JMJD1C: variants seen among roughly 807,000 people sequenced by gnomAD.
The protein encoded by JMJD1C is jumonji domain containing 1C.
JMJD1C carries 31 observed loss-of-function variants against 245.3 expected under a neutral mutation model. The ratio of observed to expected loss-of-function variants is 0.13; its 90% CI spans 0.09 to 0.17. JMJD1C has a LOEUF of 0.17. Ranked by LOEUF, JMJD1C falls within the 10% of genes least tolerant of loss-of-function variation. JMJD1C has a pLI of 1.00. For missense variants in JMJD1C, 2,691 were observed against 3,000.2 expected (o/e 0.90, Z 2.41); for synonymous variants, 1,057 against 1,017.4 (o/e 1.04, Z -0.74).
intron 2 of JMJD1C, among the ~76,000 whole-genome samples, chr10:63,333,435 A>T (rs186915109): frequency 6.6e-6 from 1 of 152,074 alleles, no homozygotes; most frequent in Non-Finnish European, 1.5e-5. Context: ...TGTGGTCCCA[A>T]TGACTTAGGG....
chr10:63,301,365 T>C (rs926245723), intron 2 of JMJD1C, among the ~76,000 whole-genome samples: 4 of 152,164 alleles, frequency 2.6e-5, no homozygotes, highest in South Asian at 2.1e-4. Flanking sequence ...TTCAAAAATA[T>C]GAAGAAAAAT....
chr10:63,513,075 A>G (rs1954917963), intron 1 of JMJD1C, among the ~76,000 whole-genome samples: 1 of 152,012 alleles, frequency 6.6e-6, no homozygotes, highest in Non-Finnish European at 1.5e-5. Context: ...CTGTTCTTGC[A>G]TATTGTCTAC....
chr10:63,291,253 A>T (rs1045277409), intron 2 of JMJD1C, among the ~76,000 whole-genome samples: 1 of 133,022 alleles, frequency 7.5e-6, no homozygotes, highest in African/African-American at 2.9e-5. Context: ...GGTTGCAGTG[A>T]GCTGAGATAG....
At chr10:63,302,386 A>C (rs1488298930) in intron 2 of JMJD1C, among the ~76,000 whole-genome samples, 1 of 152,228 alleles carries the variant, frequency 6.6e-6, no homozygotes, top group African/African-American at 2.4e-5. Context: ...ACCAGCAATG[A>C]ATGACAGTGG....
At chr10:63,241,718 A>T (rs1199509831) in intron 3 of JMJD1C, among the ~76,000 whole-genome samples, 1 of 152,146 alleles carries the variant, frequency 6.6e-6, no homozygotes, top group Admixed American at 6.6e-5. Context: ...TTTTCTCCAT[A>T]GTACTACTGT....
intron 18 of JMJD1C, 37 bp downstream of exon 18, chr10:63,189,131 C>A: frequency 1.3e-6 from 2 of 1,531,508 alleles, no homozygotes; most frequent in South Asian, 2.6e-5. Flanking sequence ...AGCTTCAGTT[C>A]CACCAAGAGT....
At chr10:63,338,640 A>ATTTTTTTTTTTTTT (rs34238197) in intron 2 of JMJD1C, among the ~76,000 whole-genome samples, 1 of 95,124 alleles carries the variant, frequency 1.1e-5, no homozygotes, top group Non-Finnish European at 2.0e-5. Context: ...TGCTCCTTAG[A>ATTTTTTTTTTTTTT]TTTTTTTTTT....
In JMJD1C at chr10:63,295,716, G is replaced by C. The variant is rs188207906; in HGVS notation, c.334-30952C>G. ...GTACAATTGATTCTTGTTATGCATG[G>C]TAGTTACGCTCTGTAAAGCCCCTTT... On this transcript the variant is annotated intron_variant, in intron 2 of 25. Coordinates refer to ENST00000399262, the MANE Select transcript of JMJD1C (RefSeq NM_032776.3). 3.1e-3 allele frequency among the ~76,000 whole-genome samples: 466 copies of C among 152,026 alleles called. 1 individual carries two copies. Among genetic ancestry groups the C allele is most frequent in the Non-Finnish European group, 4.6e-3 (314 of 67,988 alleles).
At chr10:63,518,836 G>A (rs1007508302) in intron 1 of JMJD1C, among the ~76,000 whole-genome samples, 1 of 152,132 alleles carries the variant, frequency 6.6e-6, no homozygotes, top group Non-Finnish European at 1.5e-5. Flanking sequence ...GTTTCCCCTT[G>A]GAGGGCAACA....
intron 2 of JMJD1C, among the ~76,000 whole-genome samples, chr10:63,375,554 G>A (rs1222618249): frequency 6.7e-6 from 1 of 150,374 alleles, no homozygotes; most frequent in Non-Finnish European, 1.5e-5. Flanking sequence ...GTGTGTGTGT[G>A]TGTGTGTAGT....
At chr10:63,367,081 A>C (rs1036041937) in intron 2 of JMJD1C, among the ~76,000 whole-genome samples, 7 of 152,324 alleles carry the variant, frequency 4.6e-5, no homozygotes, top group African/African-American at 1.7e-4. Flanking sequence ...GTAAATCTTT[A>C]AACAGTTATT....
chr10:63,500,948 T>C (rs377498039), intron 1 of JMJD1C, among the ~76,000 whole-genome samples: 9 of 152,244 alleles, frequency 5.9e-5, no homozygotes, highest in African/African-American at 1.7e-4. Flanking sequence ...TCAAATAATA[T>C]GTTTTTCCTC....
At chr10:63,249,231 G>A (rs979258368) in intron 3 of JMJD1C, among the ~76,000 whole-genome samples, 9 of 152,272 alleles carry the variant, frequency 5.9e-5, no homozygotes, top group Middle Eastern at 3.4e-3. Flanking sequence ...CAGGAGAATC[G>A]TTTGAACCTG....
At chr10:63,335,254 C>T (rs1016150503) in intron 2 of JMJD1C, among the ~76,000 whole-genome samples, 2 of 151,940 alleles carry the variant, frequency 1.3e-5, no homozygotes, top group Non-Finnish European at 2.9e-5. Flanking sequence ...TTGCTTCAAC[C>T]TGAACAATGA....
intron 1 of JMJD1C, among the ~76,000 whole-genome samples, chr10:63,391,658 C>T (rs1319799518): frequency 6.6e-6 from 1 of 152,080 alleles, no homozygotes; most frequent in Non-Finnish European, 1.5e-5. Flanking sequence ...ACTGAAGACA[C>T]AAATAGAAAG....
rs768996726 is a variant in JMJD1C at position 63,465,594 on chromosome 10, T to A, written c.69A>T (p.Ala23=). ...RFLCVAVGDE[A]RSERWESGRG... The stretch of plus-strand genomic sequence containing the variant: ...GTCCGCTCTCCCAGCGCTCCGAACG[T>A]GCCTCGTCGCCGACCGCCACACACA... The change falls in exon 1 of 26, where the codon GCA becomes GCT. Residue 23 remains alanine, a synonymous_variant. Transcript: ENST00000399262. The A allele has an allele frequency of 6.2e-7, 1 of 1,609,686 alleles. No homozygotes were observed. Among genetic ancestry groups the A allele is most frequent in the Admixed American group, 1.7e-5 (1 of 60,002 alleles).
chr10:63,507,413 G>GCGGGGGGATCAC (rs2133271009), intron 1 of JMJD1C, among the ~76,000 whole-genome samples: 1 of 152,146 alleles, frequency 6.6e-6, no homozygotes, highest in South Asian at 2.1e-4. Flanking sequence ...GGAGGCTGAG[G>GCGGGGGGATCAC]CGGGGGGATC....
intron 1 of JMJD1C, among the ~76,000 whole-genome samples, chr10:63,464,498 C>G (rs1953042988): frequency 6.6e-6 from 1 of 152,144 alleles, no homozygotes; most frequent in Admixed American, 6.5e-5. Context: ...CAGGGCATTA[C>G]AAATAAATTT....
rs770912020 is a variant in JMJD1C, at chr10:63,215,082, A to C, written c.1085T>G (p.Leu362Arg). Residue 362 changes from leucine (L) to arginine (R), a missense_variant, in exon 8 of 26, where the codon CTA becomes CGA. Leu to Arg is a moderately radical substitution (Grantham distance 102). Coordinates refer to ENST00000399262, the MANE Select transcript of JMJD1C (RefSeq NM_032776.3). ...GTCAGTTCGAAGTCTTTTCATATTT[A>C]GTTTCTTTTCATCCTCCTCAGGTTT... ...RRKPEEDEKK[L>R]NMKRLRTDNV... 366 of 1,595,670 alleles carry C rather than the reference A, an allele frequency of 2.3e-4. No individual in the cohort carries two copies. Among genetic ancestry groups the C allele is most frequent in the Non-Finnish European group, 2.9e-4 (341 of 1,175,276 alleles).
Sources: gnomAD v4.1 joint callset for allele counts (sites outside exome capture counted in the v4.1 genomes callset) on GRCh38, gnomAD v4.1.1 for gene constraint, MANE v1.5 for transcripts, NCBI Gene and HGNC (gene_info 2026-07-23, HGNC 2026-07-21) for gene names.